The following KPNB1 variants were observed in gnomAD, a reference collection of about 807,000 sequenced individuals.
KPNB1 encodes the protein karyopherin subunit beta 1, also known as importin subunit beta-1.
Under a neutral mutation model 113.0 loss-of-function variants are expected in KPNB1, and 7 were observed. The observed-to-expected ratio is 0.06, with a 90% CI of 0.04 to 0.12. The LOEUF is 0.12. Ranked by LOEUF, KPNB1 falls within the 10% of genes least tolerant of loss-of-function variation. The pLI is 1.00. For synonymous variants in KPNB1, 363 were observed against 378.6 expected (o/e 0.96, Z 0.48); for missense variants, 400 against 1,054.8 (o/e 0.38, Z 8.60).
intron 21 of KPNB1, among the ~76,000 whole-genome samples, chr17:47,682,126 G>A (rs145270293): frequency 3.5e-4 from 54 of 152,332 alleles, no homozygotes; most frequent in Middle Eastern, 3.4e-3. Context: ...ACTGCACCCA[G>A]ACTGAAATAC....
intron 5 of KPNB1, among the ~76,000 whole-genome samples, chr17:47,659,579 C>T (rs900931402): frequency 6.6e-6 from 1 of 151,862 alleles, no homozygotes; most frequent in African/African-American, 2.4e-5. Flanking sequence ...GTAACAAAAC[C>T]CTGTCTCTAA....
chr17:47,663,168 C>T lies in KPNB1; in HGVS notation c.776C>T (p.Ala259Val). 6.6e-7 allele frequency: 1 copy of T among 1,507,444 alleles called. No homozygotes were observed. The highest frequency in any genetic ancestry group is 9.2e-7 in the Non-Finnish European group (1 of 1,082,962). 93.4% of individuals were successfully genotyped at this position (1,507,444 alleles called of 1,614,324 possible). The change falls in exon 7 of 22, where the codon GCT becomes GTT. Residue 259 changes from alanine (A) to valine (V), a missense_variant. Ala to Val is a moderately conservative substitution (Grantham distance 64). Around this residue, in one of 2 missense-constraint regions of KPNB1, gnomAD observed 285 missense variants for 627.0 expected, o/e 0.45. Coordinates refer to ENST00000290158, the MANE Select transcript of KPNB1 (RefSeq NM_002265.6). ...TACATGGAGACATATATGGGTCCTG[C>T]TCTTTTTGCAGTAAGTATTTCTATT... ...YQYMETYMGP[A>V]LFAITIEAMK...
intron 5 of KPNB1, among the ~76,000 whole-genome samples, chr17:47,658,938 G>C (rs1248222413): frequency 6.6e-6 from 1 of 152,078 alleles, no homozygotes; most frequent in African/African-American, 2.4e-5. Flanking sequence ...AAATTATAGG[G>C]CATGGTGGTG....
At chr17:47,676,848 C>T (rs8080274) in intron 16 of KPNB1, among the ~76,000 whole-genome samples, 172 bp from the exon 17 acceptor site, 2,485 of 134,914 alleles carry the variant, frequency 0.018, 70 homozygotes, top group African/African-American at 0.064. Context: ...AGTGATCTCT[C>T]TCGGATAGTC....
intron 8 of KPNB1, among the ~76,000 whole-genome samples, chr17:47,664,849 T>C (rs187771008): frequency 1.2e-4 from 19 of 152,342 alleles, no homozygotes; most frequent in Middle Eastern, 3.4e-3. Flanking sequence ...TTATACTTAA[T>C]GTTGCCTTGG....
rs1196915620 is a variant in KPNB1 at position 47,656,855 on chromosome 17, T to C, written c.283-5T>C. 1.2e-6 allele frequency: 2 copies of C among 1,611,954 alleles called. No individual in the cohort carries two copies. Among genetic ancestry groups the C allele is most frequent in the Non-Finnish European group, 1.7e-6 (2 of 1,178,652 alleles). Reference sequence around the variant, plus strand: ...TTGTATCTTTTGTCTTTTTTTTTGGTGCAGGTTTTGCAGACATTGGGTACA... The same window carrying C: ...TTGTATCTTTTGTCTTTTTTTTTGGCGCAGGTTTTGCAGACATTGGGTACA... On this transcript the variant is annotated splice_polypyrimidine_tract_variant and splice_region_variant and intron_variant, in intron 3 of 21. Transcript: ENST00000290158.
In KPNB1 at chr17:47,684,177, C is replaced by T. The variant is rs1411923588; in HGVS notation, c.*1773C>T. The T allele has an allele frequency of 1.3e-5, 2 of 152,118 alleles. No homozygotes were observed. Among genetic ancestry groups the T allele is most frequent in the Non-Finnish European group, 2.9e-5 (2 of 68,026 alleles). The allele number at this position is 152,118 out of a possible 1,614,324, so 9.4% of individuals were successfully genotyped here. Reference sequence around the variant, plus strand: ...AAACTGGGCTTGCGTTTTTCTCCAACTCCTCGTTTATATCCTCCCTTCCAT... The same window carrying T: ...AAACTGGGCTTGCGTTTTTCTCCAATTCCTCGTTTATATCCTCCCTTCCAT... On this transcript the variant is annotated 3_prime_UTR_variant, in exon 22 of 22. Coordinates refer to ENST00000290158, the MANE Select transcript of KPNB1 (RefSeq NM_002265.6).
rs568477431 is a variant in KPNB1, at chr17:47,656,155, G to A, written c.283-705G>A. On this transcript the variant is annotated intron_variant, in intron 3 of 21. Coordinates refer to ENST00000290158, the MANE Select transcript of KPNB1 (RefSeq NM_002265.6). Reference sequence around the variant, plus strand: ...TGTAATCCCAGCTACTTGCTGGGGGGAGCTAAGGCAGGAGAATCGCTTGAA... The same window carrying A: ...TGTAATCCCAGCTACTTGCTGGGGGAAGCTAAGGCAGGAGAATCGCTTGAA... Among the ~76,000 whole-genome samples, 14 of 152,248 alleles carry A rather than the reference G, an allele frequency of 9.2e-5. No individual in the cohort carries two copies. The East Asian group carries it at 1.9e-3, about 21-fold the overall frequency.
At chr17:47,660,676 C>G (rs1248355407) in intron 5 of KPNB1, among the ~76,000 whole-genome samples, 1 of 152,182 alleles carries the variant, frequency 6.6e-6, no homozygotes, top group Non-Finnish European at 1.5e-5. Context: ...TTCATTCTCC[C>G]TTTTCTCACC....
chr17:47,661,305 T>C, intron 6 of KPNB1, 127 bp downstream of exon 6: 1 of 754,132 alleles, frequency 1.3e-6, no homozygotes, highest in Non-Finnish European at 2.3e-6. Context: ...TTGTTACTAA[T>C]AATTAATATT....
intron 15 of KPNB1, among the ~76,000 whole-genome samples, chr17:47,675,551 A>G (rs549963927): frequency 1.7e-4 from 25 of 150,944 alleles, no homozygotes; most frequent in African/African-American, 5.9e-4. Context: ...AAAAGTTTCT[A>G]TTTTCTTTCC....
chr17:47,680,717 G>A (rs772607599), intron 21 of KPNB1, 48 bp downstream of exon 21: 1 of 1,568,588 alleles, frequency 6.4e-7, no homozygotes, highest in Non-Finnish European at 8.7e-7. Flanking sequence ...CCTGGAGGAG[G>A]GGGGTATGTT....
chr17:47,675,017 G>A (rs1393001144), intron 15 of KPNB1, among the ~76,000 whole-genome samples: 1 of 151,984 alleles, frequency 6.6e-6, no homozygotes, highest in African/African-American at 2.4e-5. Context: ...ATGGAGTTTC[G>A]CCATGTTGCC....
intron 15 of KPNB1, 87 bp downstream of exon 15, chr17:47,674,869 T>A: frequency 7.2e-7 from 1 of 1,387,306 alleles, no homozygotes; most frequent in African/African-American, 1.4e-5. Flanking sequence ...CAGGCTGGAG[T>A]GCAGTGGCAC....
intron 3 of KPNB1, 126 bp from the exon 4 acceptor site, chr17:47,656,734 T>G: frequency 1.2e-5 from 11 of 901,264 alleles, no homozygotes; most frequent in Non-Finnish European, 1.9e-5. Flanking sequence ...GGCAACATAG[T>G]GAGACCCTGT....
In KPNB1 at chr17:47,682,775, G is replaced by T. The variant is rs2030823260; in HGVS notation, c.*371G>T. The T allele has an allele frequency of 7.2e-6, 2 of 278,206 alleles. No homozygotes were observed. Among genetic ancestry groups the T allele is most frequent in the Admixed American group, 9.9e-5 (2 of 20,224 alleles). The allele number at this position is 278,206 out of a possible 1,614,324, so 17.2% of individuals were successfully genotyped here. A position where few individuals can be genotyped will look rare whatever the true frequency, so the allele number is the denominator to read the frequency against. On this transcript the variant is annotated 3_prime_UTR_variant, in exon 22 of 22. Transcript: ENST00000290158. ...GCCGAGTGGAATGCCTGGTTTGGGGGAGGAGGAGGGACTGGGTTCAGCTGT... is the reference window on the plus strand; with the variant it reads ...GCCGAGTGGAATGCCTGGTTTGGGGTAGGAGGAGGGACTGGGTTCAGCTGT...
intron 9 of KPNB1, among the ~76,000 whole-genome samples, chr17:47,666,764 A>G (rs1354638043): frequency 6.6e-6 from 1 of 150,908 alleles, no homozygotes; most frequent in African/African-American, 2.4e-5. Flanking sequence ...GACTACAGGC[A>G]TGCACCACCA....
Position 47,670,738 on chromosome 17 carries a change from G to A in KPNB1, c.1453G>A (p.Ala485Thr). 4 of 1,613,104 alleles carry A rather than the reference G, an allele frequency of 2.5e-6. No individual in the cohort carries two copies. The highest frequency in any genetic ancestry group is 3.4e-6 in the Non-Finnish European group (4 of 1,179,124). The change falls in exon 12 of 22, where the codon GCA (alanine) becomes ACA (threonine). Residue 485 changes from alanine to threonine, a missense_variant. This residue lies in a region of KPNB1 where 285 missense variants were observed against 627.0 expected (regional missense o/e 0.45). Coordinates refer to ENST00000290158, the MANE Select transcript of KPNB1 (RefSeq NM_002265.6). ...TCTGGCTGAAGCTGCTTATGAAGCT[G>A]CAGACGTTGCTGATGATCAGGAAGA... is the stretch of plus-strand genomic sequence containing the variant. ...SSLAEAAYEA[A>T]DVADDQEEPA...
In KPNB1 at chr17:47,661,190, G is replaced by T. The variant is rs772086143; in HGVS notation, c.696+12G>T. 1.1e-5 allele frequency: 18 copies of T among 1,603,160 alleles called. No homozygotes were observed. The highest frequency in any genetic ancestry group is 1.7e-4 in the Middle Eastern group (1 of 6,036). ...GTCCAGATACGAGGGTAAGTGTGAGGTTATATGAAAAATCTGTCTTACATC... is the reference window on the plus strand; with the variant it reads ...GTCCAGATACGAGGGTAAGTGTGAGTTTATATGAAAAATCTGTCTTACATC... On this transcript the variant is annotated intron_variant, in intron 6 of 21. Transcript: ENST00000290158.
Sources: gnomAD v4.1 joint callset for allele counts (sites outside exome capture counted in the v4.1 genomes callset) on GRCh38, gnomAD v4.1.1 for gene constraint, gnomAD v4.1.1 regional missense constraint, MANE v1.5 for transcripts, NCBI Gene and HGNC (gene_info 2026-07-23, HGNC 2026-07-21) for gene names.